LARP1B: variants seen among roughly 807,000 people sequenced by gnomAD.
LARP1B encodes la-related protein 1B.
A neutral mutation model predicts 114.2 loss-of-function variants in LARP1B; 76 were observed. The ratio of observed to expected loss-of-function variants is 0.67; its 90% CI spans 0.55 to 0.81. LARP1B has a LOEUF of 0.81. Ranked by LOEUF, LARP1B falls within the 30% of genes least tolerant of loss-of-function variation. The pLI is 0.00. For synonymous variants in LARP1B, 345 were observed against 348.0 expected (o/e 0.99, Z 0.10); for missense variants, 1,014 against 1,075.8 (o/e 0.94, Z 0.80).
intron 1 of LARP1B, among the ~76,000 whole-genome samples, chr4:128,065,960 C>T (rs950322095): frequency 6.6e-6 from 1 of 151,896 alleles, no homozygotes; most frequent in African/African-American, 2.4e-5. Flanking sequence ...GGATGACAGG[C>T]ACGCATGTCA....
At chr4:128,191,842 AAG>A (rs1752396650) in intron 15 of LARP1B, among the ~76,000 whole-genome samples, 1 of 152,168 alleles carries the variant, frequency 6.6e-6, no homozygotes, top group Non-Finnish European at 1.5e-5. Flanking sequence ...GATGGTGGGA[AAG>A]CTGGCTGTCC....
At chr4:128,131,133 G>T (rs1331779342) in intron 11 of LARP1B, among the ~76,000 whole-genome samples, 1 of 152,162 alleles carries the variant, frequency 6.6e-6, no homozygotes, top group African/African-American at 2.4e-5. Context: ...AAAACCCATA[G>T]AAAATGTACA....
At chr4:128,208,737 T>C (rs930907210) in intron 19 of LARP1B, among the ~76,000 whole-genome samples, 1 of 152,208 alleles carries the variant, frequency 6.6e-6, no homozygotes, top group African/African-American at 2.4e-5. Flanking sequence ...CATAAAAAGC[T>C]GACTTTTTTT....
intron 11 of LARP1B, chr4:128,123,077 G>A: frequency 2.0e-6 from 2 of 985,360 alleles, no homozygotes; most frequent in Non-Finnish European, 2.4e-6. Context: ...GCCAATTAGT[G>A]GCTGAGTAGA....
chr4:128,213,074 A>C (rs558849582), downstream of LARP1B, among the ~76,000 whole-genome samples: 62 of 151,956 alleles, frequency 4.1e-4, no homozygotes, highest in South Asian at 1.7e-3. Context: ...ATGCACCACT[A>C]TGCCCGGCTA....
chr4:128,062,367 G>A (rs932501943), intron 1 of LARP1B: 2 of 803,542 alleles, frequency 2.5e-6, no homozygotes, highest in Non-Finnish European at 3.0e-6. Flanking sequence ...TTGTTCCAAG[G>A]TGTCATTCAC....
chr4:128,126,247 A>G (rs1789574271), intron 11 of LARP1B, among the ~76,000 whole-genome samples: 1 of 151,552 alleles, frequency 6.6e-6, no homozygotes, highest in East Asian at 2.0e-4. Context: ...TCAGCCTCCA[A>G]AGTAGCTGGG....
intron 6 of LARP1B, among the ~76,000 whole-genome samples, chr4:128,219,853 G>A (rs1268537175): frequency 6.6e-6 from 1 of 151,678 alleles, no homozygotes; most frequent in Non-Finnish European, 1.5e-5. Flanking sequence ...AGGGGGTTAT[G>A]TTTATATTAT....
rs1004771581 is a variant in LARP1B, at chr4:128,078,598, C to CA, written c.217+650dup. ...CCTGGGCGGCAGTGCAAGACTGTCT[C>CA]AAAAAAAAAAAAAAGTGAGAATAAT... On this transcript the variant is annotated intron_variant, in intron 4 of 19. Coordinates refer to ENST00000326639, the MANE Select transcript of LARP1B (RefSeq NM_018078.4). Among the ~76,000 whole-genome samples, 330 of 129,070 alleles carry CA rather than the reference C, an allele frequency of 2.6e-3. 1 individual carries two copies. The highest frequency in any genetic ancestry group is 5.1e-3 in the African/African-American group (179 of 34,920). The allele number at this position is 129,070 out of a possible 152,430, so 84.7% of individuals were successfully genotyped here.
chr4:128,217,799 T>C (rs1206192605), intron 6 of LARP1B, among the ~76,000 whole-genome samples: 1 of 139,952 alleles, frequency 7.1e-6, no homozygotes, highest in Non-Finnish European at 1.5e-5. Context: ...GCCAGGGCAA[T>C]CAGGCAGGAG....
At chr4:128,073,418 C>CAAAAAAAAAA (rs776553862) in intron 1 of LARP1B, among the ~76,000 whole-genome samples, 5 of 42,916 alleles carry the variant, frequency 1.2e-4, no homozygotes, top group African/African-American at 4.2e-4. Context: ...GATTCCGTCT[C>CAAAAAAAAAA]AAAAAAAAAA....
At chr4:128,063,712 G>C (rs1761308030) in intron 1 of LARP1B, among the ~76,000 whole-genome samples, 1 of 151,920 alleles carries the variant, frequency 6.6e-6, no homozygotes, top group Non-Finnish European at 1.5e-5. Flanking sequence ...CCGGGAGGCA[G>C]AGGTTGCAGT....
downstream of LARP1B, among the ~76,000 whole-genome samples, chr4:128,213,829 T>C (rs192882021): frequency 1.9e-4 from 29 of 152,266 alleles, no homozygotes; most frequent in African/African-American, 7.0e-4. Context: ...ACAGCTCCGG[T>C]CTACAGCTCC....
chr4:128,068,120 T>A (rs1304486829), intron 1 of LARP1B, among the ~76,000 whole-genome samples: 3 of 152,150 alleles, frequency 2.0e-5, no homozygotes, highest in African/African-American at 7.2e-5. Flanking sequence ...GACCTCGTGA[T>A]CCACCCGCCT....
intron 4 of LARP1B, among the ~76,000 whole-genome samples, chr4:128,080,195 G>A (rs576699084): frequency 9.6e-4 from 146 of 151,446 alleles, no homozygotes; most frequent in African/African-American, 3.4e-3. Flanking sequence ...GTTGGTCAGG[G>A]TGGTCTCGAG....
chr4:128,187,716 G>T (rs1750827542), intron 15 of LARP1B, among the ~76,000 whole-genome samples: 1 of 152,184 alleles, frequency 6.6e-6, no homozygotes, highest in South Asian at 2.1e-4. Context: ...AGAATTATAT[G>T]GTTTGGATCT....
chr4:128,176,988 C>T, intron 13 of LARP1B, 81 bp downstream of exon 13: 2 of 1,206,132 alleles, frequency 1.7e-6, no homozygotes, highest in South Asian at 1.2e-5. Context: ...AAGGGACTTT[C>T]AGACAGAAGA....
At chr4:128,098,028 T>A (rs1171456911) in intron 7 of LARP1B, among the ~76,000 whole-genome samples, 158 bp from the exon 8 acceptor site, 2 of 152,212 alleles carry the variant, frequency 1.3e-5, no homozygotes, top group Non-Finnish European at 1.5e-5. Flanking sequence ...TGCTATCTTA[T>A]ATGTTTACCC....
At chr4:128,065,963 G>A (rs949413751) in intron 1 of LARP1B, among the ~76,000 whole-genome samples, 1 of 151,674 alleles carries the variant, frequency 6.6e-6, no homozygotes, top group African/African-American at 2.4e-5. Context: ...TGACAGGCAC[G>A]CATGTCATTC....
Sources: gnomAD v4.1 joint callset for allele counts (sites outside exome capture counted in the v4.1 genomes callset) on GRCh38, gnomAD v4.1.1 for gene constraint, MANE v1.5 for transcripts, NCBI Gene and HGNC (gene_info 2026-07-23, HGNC 2026-07-21) for gene names.